CCSAP: variants seen among roughly 807,000 people sequenced by gnomAD.
CCSAP encodes the protein centriole, cilia and spindle-associated protein.
In CCSAP, 17 loss-of-function variants were observed where a neutral mutation model predicts 25.9. That is an observed-to-expected ratio of 0.66 (90% confidence interval 0.45 to 0.99). The LOEUF (loss-of-function observed/expected upper bound fraction) is 0.99, where lower values mean the gene tolerates loss of function less well. Ranked by LOEUF, CCSAP falls within the 50% of genes least tolerant of loss-of-function variation. The pLI is 0.00. For synonymous variants in CCSAP, 169 were observed against 157.1 expected (o/e 1.08, Z -0.57); for missense variants, 339 against 367.8 (o/e 0.92, Z 0.64).
chr1:229,326,784 C>T lies in CCSAP; in HGVS notation c.590G>A (p.Gly197Glu). ...ACAGACGTTGTGAGTCTTCTGGCTT[C>T]CTGTATCGGTCTGTTTTTCTCCCCA... ...YGWGEKQTDT[G>E]SQKTHNVCAS... The change falls in exon 3 of 4, where the codon GGA becomes GAA. Residue 197 changes from glycine (G) to glutamate (E), a missense_variant. By Grantham distance (98) the Gly-to-Glu change is moderately conservative (BLOSUM62 -2). Coordinates refer to ENST00000284617, the MANE Select transcript of CCSAP (RefSeq NM_145257.5). The T allele has an allele frequency of 6.2e-7, 1 of 1,614,246 alleles. No homozygotes were observed. The highest frequency in any genetic ancestry group is 8.5e-7 in the Non-Finnish European group (1 of 1,180,060).
rs1658367095 is a variant in CCSAP at position 229,342,604 on chromosome 1, G to T, written c.-48-91C>A. 2 of 516,974 alleles carry T rather than the reference G, an allele frequency of 3.9e-6. No individual in the cohort carries two copies. The highest frequency in any genetic ancestry group is 4.5e-5 in the Admixed American group (1 of 22,366). 32.0% of individuals were successfully genotyped at this position (516,974 alleles called of 1,614,324 possible). A position where few individuals can be genotyped will look rare whatever the true frequency, so the allele number is the denominator to read the frequency against. ...TTTAAACCCGGAGCCCCGCCCGGAC[G>T]GGAGCAGGGGGCGGGTCCCGGCGAG... On this transcript the variant is annotated intron_variant, in intron 1 of 3. Transcript: ENST00000284617. The surrounding 1 kb of genome is among the most constrained non-coding windows in gnomAD (Gnocchi z 7.5).
rs1381731925 is a variant in CCSAP at position 229,322,886 on chromosome 1, GT to G, written c.*2348del. On this transcript the variant is annotated 3_prime_UTR_variant, in exon 4 of 4. Coordinates refer to ENST00000284617, the MANE Select transcript of CCSAP (RefSeq NM_145257.5). ...TATTTTAAATATCATTGGGTTCTCTGTTTCAGACTTTTTCAACATGAAAGGT... is the reference window on the plus strand; with the variant it reads ...TATTTTAAATATCATTGGGTTCTCTGTTCAGACTTTTTCAACATGAAAGGT... 6.6e-6 allele frequency: 1 copy of G among 152,260 alleles called. No homozygotes were observed. The highest frequency in any genetic ancestry group is 2.1e-4 in the South Asian group (1 of 4,822). The allele number at this position is 152,260 out of a possible 1,614,324, so 9.4% of individuals were successfully genotyped here. A position where few individuals can be genotyped will look rare whatever the true frequency, so the allele number is the denominator to read the frequency against.
At chr1:229,340,458 A>C (rs1483618379) in intron 2 of CCSAP, 1 of 715,840 alleles carries the variant, frequency 1.4e-6, no homozygotes, top group Non-Finnish European at 2.6e-6. Context: ...AATTGTATTT[A>C]TATTGCATGC....
chr1:229,327,151 T>TA, intron 2 of CCSAP, 145 bp from the exon 3 acceptor site: 1 of 641,664 alleles, frequency 1.6e-6, no homozygotes, highest in Non-Finnish European at 2.5e-6. Context: ...AAAGTAGAAA[T>TA]ACAGGAACAA....
rs1416741877 is a variant in CCSAP at position 229,325,749 on chromosome 1, C to T, written c.637-338G>A. 3.3e-5 allele frequency among the ~76,000 whole-genome samples: 5 copies of T among 152,308 alleles called. No homozygotes were observed. In the East Asian group the frequency reaches 7.7e-4, roughly 24 times the overall value. ...GCATTAAACATAAGTATTTAATTAA[C>T]GACTTATAAACAGCTCATAAAAAGC... On this transcript the variant is annotated intron_variant, in intron 3 of 3. Coordinates refer to ENST00000284617, the MANE Select transcript of CCSAP (RefSeq NM_145257.5).
At chr1:229,340,845 A>T (rs1023268754) in intron 2 of CCSAP, among the ~76,000 whole-genome samples, 2 of 152,200 alleles carry the variant, frequency 1.3e-5, no homozygotes, top group Non-Finnish European at 2.9e-5. Flanking sequence ...GTAAACAAAA[A>T]TAAACACATA....
In CCSAP at chr1:229,324,462, G is replaced by A. The variant is rs1212191221; in HGVS notation, c.*773C>T. On this transcript the variant is annotated 3_prime_UTR_variant, in exon 4 of 4. Coordinates refer to ENST00000284617, the MANE Select transcript of CCSAP (RefSeq NM_145257.5). The stretch of plus-strand genomic sequence containing the variant: ...AAAAAAAAGGCAATAAAAAAAGTGA[G>A]TCTTTGACTACTCAAAAGAAACTTT... The A allele has an allele frequency of 1.3e-5, 2 of 150,464 alleles. No individual in the cohort carries two copies. Among genetic ancestry groups the A allele is most frequent in the African/African-American group, 4.9e-5 (2 of 40,952 alleles). The allele number at this position is 150,464 out of a possible 1,614,324, so 9.3% of individuals were successfully genotyped here. A position where few individuals can be genotyped will look rare whatever the true frequency, so the allele number is the denominator to read the frequency against.
rs1053589409 is a variant in CCSAP at position 229,323,974 on chromosome 1, AGAC to A, written c.*1258_*1260del. ...GATTCTTGTCTCCACAGGATGGAGA[AGAC>A]ATCATTCATTTGATGGAAACCAGTG... On this transcript the variant is annotated 3_prime_UTR_variant, in exon 4 of 4. Transcript: ENST00000284617. 1.3e-5 allele frequency: 2 copies of A among 152,612 alleles called. No homozygotes were observed. The highest frequency in any genetic ancestry group is 4.8e-5 in the African/African-American group (2 of 41,454). 9.5% of individuals were successfully genotyped at this position (152,612 alleles called of 1,614,324 possible).
intron 2 of CCSAP, among the ~76,000 whole-genome samples, chr1:229,340,820 T>C (rs541919664): frequency 6.6e-6 from 1 of 152,344 alleles, no homozygotes; most frequent in South Asian, 2.1e-4. Flanking sequence ...AAGAGTCTGA[T>C]TGGCTTGCAA....
At chr1:229,338,576 G>A (rs964281661) in intron 2 of CCSAP, among the ~76,000 whole-genome samples, 1 of 125,586 alleles carries the variant, frequency 8.0e-6, no homozygotes, top group Non-Finnish European at 1.7e-5. Context: ...CACACACACA[G>A]AATTTCCTAA....
rs1571847173 is a variant in CCSAP at position 229,322,067 on chromosome 1, T to G, written c.*3168A>C. 2 of 152,234 alleles carry G rather than the reference T, an allele frequency of 1.3e-5. No homozygotes were observed. The highest frequency in any genetic ancestry group is 2.4e-5 in the African/African-American group (1 of 41,460). The allele number at this position is 152,234 out of a possible 1,614,324, so 9.4% of individuals were successfully genotyped here. ...TTTATAGAAGGGGTTTGAGTATCCA[T>G]GGAGTTTGGCATCCTAAGGGAGGCC... is the stretch of plus-strand genomic sequence containing the variant. On this transcript the variant is annotated 3_prime_UTR_variant, in exon 4 of 4. Transcript: ENST00000284617.
At chr1:229,335,130 T>C (rs964963276) in intron 2 of CCSAP, among the ~76,000 whole-genome samples, 19 of 152,006 alleles carry the variant, frequency 1.2e-4, no homozygotes, top group South Asian at 6.3e-4. Flanking sequence ...CTAGGCAACA[T>C]AGCAAGACCT....
intron 2 of CCSAP, among the ~76,000 whole-genome samples, chr1:229,340,098 C>T (rs1658294937): frequency 1.3e-5 from 2 of 152,128 alleles, no homozygotes; most frequent in South Asian, 4.1e-4. Context: ...ATTCTATGTG[C>T]ATCTATGGCT....
In CCSAP at chr1:229,337,670, C is replaced by CAAAAAAAAAA. The variant is rs539736168; in HGVS notation, c.367+4428_367+4429insTTTTTTTTTT. 1.6e-4 allele frequency among the ~76,000 whole-genome samples: 9 copies of CAAAAAAAAAA among 56,044 alleles called. 1 individual carries two copies. Among genetic ancestry groups the CAAAAAAAAAA allele is most frequent in the East Asian group, 7.4e-4 (2 of 2,692 alleles). 36.8% of individuals were successfully genotyped at this position (56,044 alleles called of 152,430 possible). A position where few individuals can be genotyped will look rare whatever the true frequency, so the allele number is the denominator to read the frequency against. The stretch of plus-strand genomic sequence containing the variant: ...CTAGACTGGAACAAGATCAAAGGCT[C>CAAAAAAAAAA]AAAAAAAAATATATATATATATATA... On this transcript the variant is annotated intron_variant, in intron 2 of 3. Transcript: ENST00000284617.
chr1:229,333,326 C>T (rs554760011), intron 2 of CCSAP, among the ~76,000 whole-genome samples: 3 of 148,756 alleles, frequency 2.0e-5, no homozygotes, highest in East Asian at 2.0e-4. Flanking sequence ...CCAGCTACTC[C>T]GGAGGCAGAG....
In CCSAP at chr1:229,326,931, C is replaced by T. The variant is rs1208005189; in HGVS notation, c.443G>A (p.Ser148Asn). 1 of 1,614,184 alleles carries T rather than the reference C, an allele frequency of 6.2e-7. No homozygotes were observed. Among genetic ancestry groups the T allele is most frequent in the Admixed American group, 1.7e-5 (1 of 60,024 alleles). Residue 148 changes from serine (S) to asparagine (N), a missense_variant, in exon 3 of 4, where the codon AGT becomes AAT. Ser to Asn is a conservative substitution (Grantham distance 46). Transcript: ENST00000284617. ...ACTTGGTTGCTGTCGAGGCTCAGTA[C>T]TGGTGGGTGATTTGTCAGTCTCTCT... ...RTRETDKSPT[S>N]TEPRQQPSAL...
chr1:229,342,384 G>T lies in CCSAP; in HGVS notation c.82C>A (p.Arg28Ser). 6.6e-7 allele frequency: 1 copy of T among 1,505,232 alleles called. No homozygotes were observed. The highest frequency in any genetic ancestry group is 8.9e-7 in the Non-Finnish European group (1 of 1,124,704). The allele number at this position is 1,505,232 out of a possible 1,614,324, so 93.2% of individuals were successfully genotyped here. ...PRWEEYGPCY[R>S]ELLHYRLGRR... ...CCTAGGCGGTAGTGCAGCAGCTCGCGGTAGCACGGCCCGTACTCCTCCCAG... is the reference window on the plus strand; with the variant it reads ...CCTAGGCGGTAGTGCAGCAGCTCGCTGTAGCACGGCCCGTACTCCTCCCAG... The change falls in exon 2 of 4, where the codon CGC becomes AGC. Residue 28 changes from arginine (R) to serine (S), a missense_variant. Arg to Ser is a moderately radical substitution (Grantham distance 110). Transcript: ENST00000284617. This position sits in a 1 kb window ranked among gnomAD's most constrained non-coding sequence, Gnocchi z 7.5.
intron 2 of CCSAP, among the ~76,000 whole-genome samples, chr1:229,328,387 A>C (rs371096930): frequency 6.6e-6 from 1 of 152,084 alleles, no homozygotes; most frequent in Non-Finnish European, 1.5e-5. Flanking sequence ...TGCAGCCTCA[A>C]CCTCCTGGGC....
intron 2 of CCSAP, among the ~76,000 whole-genome samples, chr1:229,339,636 G>A (rs931755396): frequency 6.6e-6 from 1 of 152,228 alleles, no homozygotes; most frequent in East Asian, 1.9e-4. Flanking sequence ...CAAGATGCCA[G>A]CCAGGCAGCA....
Sources: gnomAD v4.1 joint callset for allele counts (sites outside exome capture counted in the v4.1 genomes callset) on GRCh38, gnomAD v4.1.1 for gene constraint, Gnocchi (gnomAD v3.1) non-coding constraint, MANE v1.5 for transcripts, NCBI Gene and HGNC (gene_info 2026-07-23, HGNC 2026-07-21) for gene names.